Variants in COBL observed in about 807,000 individuals in gnomAD.
The protein encoded by COBL is protein cordon-bleu.
A neutral mutation model predicts 98.8 loss-of-function variants in COBL; 51 were observed. The observed-to-expected ratio is 0.52, with a 90% CI of 0.41 to 0.65. The LOEUF is 0.65. COBL is among the 30% of genes least tolerant of loss of function. COBL has a pLI of 0.00. For synonymous variants in COBL, 634 were observed against 651.7 expected (o/e 0.97, Z 0.41); for missense variants, 1,617 against 1,617.5 (o/e 1.00, Z 0.01).
chr7:51,101,217 G>C (rs1035960448), intron 6 of COBL, among the ~76,000 whole-genome samples: 7 of 152,226 alleles, frequency 4.6e-5, no homozygotes, highest in African/African-American at 1.7e-4. Context: ...GGCAAAGTCA[G>C]AGACCCTTCA....
chr7:51,210,991 T>C (rs1041516796), intron 2 of COBL, among the ~76,000 whole-genome samples: 2 of 152,182 alleles, frequency 1.3e-5, no homozygotes, highest in East Asian at 1.9e-4. Context: ...CTGTGGGTTT[T>C]CCTTACACGC....
chr7:51,253,893 T>G (rs1420819418), intron 1 of COBL, among the ~76,000 whole-genome samples: 1 of 152,238 alleles, frequency 6.6e-6, no homozygotes, highest in Non-Finnish European at 1.5e-5. Flanking sequence ...TTTGTTTCTG[T>G]TTTTCAACTT....
intron 1 of COBL, among the ~76,000 whole-genome samples, chr7:51,229,505 A>G (rs1794531741): frequency 6.6e-6 from 1 of 152,082 alleles, no homozygotes; most frequent in South Asian, 2.1e-4. Flanking sequence ...ACCTTCTTGG[A>G]GTTTTCCAGG....
In COBL at chr7:51,101,121, T is replaced by C. The variant is rs568138243; in HGVS notation, c.958-15817A>G. Reference sequence around the variant, plus strand: ...CTTCTCCCAAAGTTAATAACATCTATTCAACAAACAATTATTGAATACCAT... The same window carrying C: ...CTTCTCCCAAAGTTAATAACATCTACTCAACAAACAATTATTGAATACCAT... On this transcript the variant is annotated intron_variant, in intron 6 of 12. Transcript: ENST00000265136. Among the ~76,000 whole-genome samples, 6 of 152,330 alleles carry C rather than the reference T, an allele frequency of 3.9e-5. 1 individual carries two copies. In the South Asian group the frequency reaches 1.0e-3, roughly 26 times the overall value.
intron 2 of COBL, among the ~76,000 whole-genome samples, chr7:51,195,473 C>T (rs1790507388): frequency 6.6e-6 from 1 of 152,088 alleles, no homozygotes; most frequent in African/African-American, 2.4e-5. Flanking sequence ...TGTTCTTTTG[C>T]TTAGGATGGC....
intron 7 of COBL, chr7:51,071,710 C>G (rs1045222068): frequency 6.6e-6 from 1 of 152,174 alleles, no homozygotes; most frequent in Non-Finnish European, 1.5e-5. Flanking sequence ...GCCCATCTTT[C>G]TTCAGCATAA....
At chr7:51,278,973 GGGA>G (rs1799565500) in intron 1 of COBL, among the ~76,000 whole-genome samples, 1 of 152,236 alleles carries the variant, frequency 6.6e-6, no homozygotes, top group Admixed American at 6.5e-5. Context: ...CAGGTGGCCG[GGGA>G]AATGCTTTTC....
chr7:51,248,445 C>T (rs1457195850), intron 1 of COBL, among the ~76,000 whole-genome samples: 1 of 152,040 alleles, frequency 6.6e-6, no homozygotes, highest in East Asian at 1.9e-4. Flanking sequence ...CCACAGCCAG[C>T]CCCCTAAAAA....
At chr7:51,247,534 A>G (rs2129132336) in intron 1 of COBL, among the ~76,000 whole-genome samples, 1 of 152,360 alleles carries the variant, frequency 6.6e-6, no homozygotes, top group African/African-American at 2.4e-5. Flanking sequence ...TGAAGAAAGT[A>G]TACAAAGGTG....
intron 6 of COBL, among the ~76,000 whole-genome samples, chr7:51,117,180 G>A (rs1008126478): frequency 9.5e-5 from 12 of 126,914 alleles, no homozygotes; most frequent in African/African-American, 3.5e-4. Flanking sequence ...TACCTATGTA[G>A]CTATGCACAG....
At chr7:51,068,693 T>C (rs1307880472) in intron 7 of COBL, among the ~76,000 whole-genome samples, 1 of 152,198 alleles carries the variant, frequency 6.6e-6, no homozygotes, top group Admixed American at 6.5e-5. Flanking sequence ...TTATATTATA[T>C]ACTTTCTTTG....
chr7:51,208,925 G>T (rs534607301), intron 2 of COBL, among the ~76,000 whole-genome samples: 4 of 151,652 alleles, frequency 2.6e-5, no homozygotes, highest in Non-Finnish European at 5.9e-5. Flanking sequence ...AGGCCGCAGG[G>T]TCCTCTGCCT....
chr7:51,224,497 A>G (rs1412364109), intron 1 of COBL, among the ~76,000 whole-genome samples: 1 of 151,960 alleles, frequency 6.6e-6, no homozygotes, highest in African/African-American at 2.4e-5. Context: ...CTTAAAGATG[A>G]GCAGAAATTT....
At chr7:51,107,885 G>A (rs986738991) in intron 6 of COBL, among the ~76,000 whole-genome samples, 2 of 152,198 alleles carry the variant, frequency 1.3e-5, no homozygotes, top group Non-Finnish European at 2.9e-5. Flanking sequence ...GCCACTTGCA[G>A]CAAAATATCC....
At position 51,161,280 on chromosome 7, in the gene COBL, G is replaced by A. The variant is rs866811879; in HGVS notation, c.783+22822C>T. ...TTGCAAGTTCTCTGTAATCCCCCTG[G>A]AGACCCGGATCAGCTGGGTGGAAAT... On this transcript the variant is annotated intron_variant, in intron 5 of 12. Coordinates refer to ENST00000265136, the MANE Select transcript of COBL (RefSeq NM_015198.5). Among the ~76,000 whole-genome samples, 6 of 152,200 alleles carry A rather than the reference G, an allele frequency of 3.9e-5. No individual in the cohort carries two copies. The South Asian group carries it at 1.2e-3, about 31-fold the overall frequency.
chr7:51,224,903 C>T (rs932028813), intron 1 of COBL, among the ~76,000 whole-genome samples: 2 of 152,150 alleles, frequency 1.3e-5, no homozygotes, highest in African/African-American at 4.8e-5. Flanking sequence ...CTCAGGTGAT[C>T]CGCCTGCATG....
intron 6 of COBL, among the ~76,000 whole-genome samples, chr7:51,107,109 T>C (rs1477726938): frequency 1.3e-5 from 2 of 148,904 alleles, no homozygotes; most frequent in Non-Finnish European, 3.0e-5. Context: ...TTTTTTTTTT[T>C]TTTGAGACAG....
chr7:51,238,315 C>A lies in COBL; in HGVS notation c.42-18371G>T, dbSNP rs77433399. 3.9e-3 allele frequency among the ~76,000 whole-genome samples: 599 copies of A among 152,260 alleles called. 7 individuals are homozygous for A. The highest frequency in any genetic ancestry group is 0.012 in the African/African-American group (484 of 41,568). On this transcript the variant is annotated intron_variant, in intron 1 of 12. Coordinates refer to ENST00000265136, the MANE Select transcript of COBL (RefSeq NM_015198.5). ...TGGAGCAAGGATGGCTAGGCCACTCCGGGGTCCTTTCCCTGCAGTTCCCTC... is the reference window on the plus strand; with the variant it reads ...TGGAGCAAGGATGGCTAGGCCACTCAGGGGTCCTTTCCCTGCAGTTCCCTC...
intron 1 of COBL, among the ~76,000 whole-genome samples, chr7:51,262,620 C>T (rs760495101): frequency 7.9e-5 from 12 of 152,184 alleles, no homozygotes; most frequent in Non-Finnish European, 1.5e-4. Flanking sequence ...AGGGTGCTGG[C>T]GGCAACATTC....
Sources: allele counts gnomAD v4.1 joint callset (sites outside exome capture counted in the v4.1 genomes callset), GRCh38; gene constraint gnomAD v4.1.1; transcripts MANE v1.5; gene names NCBI Gene and HGNC (gene_info 2026-07-23, HGNC 2026-07-21).